WASHC5: variants seen among roughly 807,000 people sequenced by gnomAD.
WASHC5 encodes WASH complex subunit strumpellin.
Under a neutral mutation model 150.4 loss-of-function variants are expected in WASHC5, and 101 were observed. The ratio of observed to expected loss-of-function variants is 0.67; its 90% CI spans 0.57 to 0.79. The LOEUF is 0.79. Ranked by LOEUF, WASHC5 falls within the 30% of genes least tolerant of loss-of-function variation. The probability of loss-of-function intolerance (pLI) is 0.00; values close to 1 mark genes in which losing one functional copy is unlikely to be tolerated. For missense variants in WASHC5, 1,195 were observed against 1,396.3 expected, an observed-to-expected ratio of 0.86 and a Z score of 2.30; for synonymous variants, 467 against 491.2, an observed-to-expected ratio of 0.95 and a Z score of 0.65.
At chr8:125,059,602 G>T in intron 12 of WASHC5, 60 bp from the exon 13 acceptor site, 1 of 1,317,774 alleles carries the variant, frequency 7.6e-7, no homozygotes, top group Non-Finnish European at 1.1e-6. Context: ...GTGCTCATTT[G>T]TTCTTGAAAA....
At chr8:125,079,636 T>C (rs1817190821) in intron 5 of WASHC5, among the ~76,000 whole-genome samples, 1 of 152,200 alleles carries the variant, frequency 6.6e-6, no homozygotes, top group Non-Finnish European at 1.5e-5. Flanking sequence ...GGCATATAGA[T>C]CATACACAAT....
rs184823194 is a variant in WASHC5, at chr8:125,030,276, C to T, written c.3336-1569G>A. On this transcript the variant is annotated intron_variant, in intron 27 of 28. Coordinates refer to ENST00000318410, the MANE Select transcript of WASHC5 (RefSeq NM_014846.4). Reference sequence around the variant, plus strand: ...CCTCTCTGGGAGCCTGGGCCAGAGGCGCTGGGTTTTTATGAGCCTACTGCT... The same window carrying T: ...CCTCTCTGGGAGCCTGGGCCAGAGGTGCTGGGTTTTTATGAGCCTACTGCT... Among the ~76,000 whole-genome samples, 10 of 152,278 alleles carry T rather than the reference C, an allele frequency of 6.6e-5. No homozygotes were observed. The East Asian group carries it at 1.5e-3, about 24-fold the overall frequency.
chr8:125,078,246 G>A (rs1817122209), intron 6 of WASHC5, among the ~76,000 whole-genome samples: 1 of 152,114 alleles, frequency 6.6e-6, no homozygotes, highest in South Asian at 2.1e-4. Context: ...CTCCTTTCCT[G>A]GCACTCCTCT....
At chr8:125,056,037 A>G (rs1489082261) in intron 16 of WASHC5, among the ~76,000 whole-genome samples, 5 of 152,226 alleles carry the variant, frequency 3.3e-5, no homozygotes, top group African/African-American at 1.2e-4. Flanking sequence ...AGCAGCAGAC[A>G]TTGATAAGGT....
At position 125,059,417 on chromosome 8, in the gene WASHC5, C is replaced by T. The variant is rs745787192; in HGVS notation, c.1647G>A (p.Gln549=). 3.0e-5 allele frequency: 49 copies of T among 1,614,080 alleles called. 1 individual carries two copies. In the Admixed American group the frequency reaches 8.2e-4, roughly 27 times the overall value. ...NIKEEVLITM[Q]IVGDLSFAWQ... is the part of the protein sequence containing the mutation. ...AAGCGAAAGAAAGGTCCCCAACGAT[C>T]TGCATTGTGATCAGAACCTCCTCTT... Residue 549 remains glutamine, a synonymous_variant, in exon 13 of 29, where the codon CAG becomes CAA. Transcript: ENST00000318410.
intron 23 of WASHC5, among the ~76,000 whole-genome samples, chr8:125,041,027 G>A (rs1815868506): frequency 6.6e-6 from 1 of 152,206 alleles, no homozygotes; most frequent in South Asian, 2.1e-4. Flanking sequence ...CTAGGATGGT[G>A]TATTAACTAC....
intron 1 of WASHC5, among the ~76,000 whole-genome samples, chr8:125,085,873 T>G (rs1817405040): frequency 6.6e-6 from 1 of 152,212 alleles, no homozygotes; most frequent in Non-Finnish European, 1.5e-5. Context: ...CGCTACTCCT[T>G]CTTACATTCC....
intron 9 of WASHC5, among the ~76,000 whole-genome samples, chr8:125,071,649 T>C (rs1032727577): frequency 6.6e-6 from 1 of 152,176 alleles, no homozygotes; most frequent in African/African-American, 2.4e-5. Flanking sequence ...AATGTTTCCC[T>C]CTCTACTCTG....
intron 21 of WASHC5, 142 bp downstream of exon 21, chr8:125,044,394 C>CTACCCA: frequency 1.1e-6 from 1 of 895,584 alleles, no homozygotes; most frequent in Non-Finnish European, 1.9e-6. Context: ...CAGCTCTGAT[C>CTACCCA]TACCCAGTAG....
At position 125,037,225 on chromosome 8, in the gene WASHC5, T is replaced by C; in HGVS notation, c.3181+12A>G. The C allele has an allele frequency of 6.8e-7, 1 of 1,481,108 alleles. No individual in the cohort carries two copies. Among genetic ancestry groups the C allele is most frequent in the Non-Finnish European group, 9.4e-7 (1 of 1,059,210 alleles). The allele number at this position is 1,481,108 out of a possible 1,614,324, so 91.7% of individuals were successfully genotyped here. On this transcript the variant is annotated intron_variant, in intron 26 of 28. Transcript: ENST00000318410. ...ATTGTTACTCATTGCAAATAATAAA[T>C]GTTATACGTACCCAGATTTTTGTTG...
chr8:125,087,704 G>A (rs75034315), intron 1 of WASHC5, among the ~76,000 whole-genome samples: 5,687 of 145,232 alleles, frequency 0.039, 360 homozygotes, highest in African/African-American at 0.14. Flanking sequence ...CTGCACTCTT[G>A]CCTGGGTGAC....
intron 27 of WASHC5, among the ~76,000 whole-genome samples, chr8:125,030,632 T>C (rs575283728): frequency 5.2e-4 from 65 of 125,108 alleles, no homozygotes; most frequent in Non-Finnish European, 9.3e-4. Flanking sequence ...AGCGACTCTT[T>C]CTCATAAAAA....
At chr8:125,036,653 CTGAG>C (rs764275515) in intron 26 of WASHC5, among the ~76,000 whole-genome samples, 6 of 143,298 alleles carry the variant, frequency 4.2e-5, no homozygotes, top group South Asian at 4.2e-4. Flanking sequence ...ATCTGAGTGA[CTGAG>C]TGAGACCTTG....
At position 125,075,011 on chromosome 8, in the gene WASHC5, T is replaced by C; in HGVS notation, c.965A>G (p.Asn322Ser). 1 of 1,606,848 alleles carries C rather than the reference T, an allele frequency of 6.2e-7. No individual in the cohort carries two copies. The highest frequency in any genetic ancestry group is 8.5e-7 in the Non-Finnish European group (1 of 1,173,488). The change falls in exon 8 of 29, where the codon AAT (asparagine) becomes AGT (serine). Residue 322 changes from asparagine (N) to serine (S), a missense_variant. Physicochemically the swap from Asn to Ser is conservative, Grantham distance 46 (BLOSUM62 1). Transcript: ENST00000318410. ...TALNNTLDLS[N>S]VREQASRYAT... Reference sequence around the variant, plus strand: ...ATTAGAACCTACCTGTTCTCTGACATTTGAAAGGTCCAGGGTATTATTTAA... The same window carrying C: ...ATTAGAACCTACCTGTTCTCTGACACTTGAAAGGTCCAGGGTATTATTTAA...
intron 17 of WASHC5, 123 bp from the exon 18 acceptor site, chr8:125,050,788 T>G (rs1563617915): frequency 1.4e-6 from 1 of 739,230 alleles, no homozygotes. Flanking sequence ...CTAAATGATT[T>G]GAATTTTTTC....
chr8:125,072,516 GGT>G (rs1212132207), intron 9 of WASHC5, among the ~76,000 whole-genome samples: 1 of 152,086 alleles, frequency 6.6e-6, no homozygotes, highest in African/African-American at 2.4e-5. Context: ...TGGGACTACA[GGT>G]GTGTGCCACC....
intron 16 of WASHC5, 144 bp from the exon 17 acceptor site, chr8:125,055,815 G>A: frequency 1.4e-6 from 1 of 693,532 alleles, no homozygotes; most frequent in South Asian, 1.6e-5. Flanking sequence ...ACAACTGAAA[G>A]CCCACTGTTA....
chr8:125,082,471 GAAAT>G lies in WASHC5; in HGVS notation c.333-8_333-5del. ...TTCATTGAGATCATCTAGATATCTA[GAAAT>G]AAAACCACAGTGCAAGTTATTAATT... On this transcript the variant is annotated splice_polypyrimidine_tract_variant and splice_region_variant and intron_variant, in intron 3 of 28. Transcript: ENST00000318410. 6.9e-7 allele frequency: 1 copy of G among 1,445,754 alleles called. No individual in the cohort carries two copies. Among genetic ancestry groups the G allele is most frequent in the Non-Finnish European group, 9.7e-7 (1 of 1,027,288 alleles). The allele number at this position is 1,445,754 out of a possible 1,614,324, so 89.6% of individuals were successfully genotyped here. A position where few individuals can be genotyped will look rare whatever the true frequency, so the allele number is the denominator to read the frequency against.
Position 125,057,685 on chromosome 8 carries a change from A to T in WASHC5, c.1765-19T>A, listed in dbSNP as rs576927980. On this transcript the variant is annotated intron_variant, in intron 14 of 28. Transcript: ENST00000318410. ...AGGCAAGCTGGAAGAAAAATAAGGT[A>T]TATCTGTTTCTTGTTTCAAAAAGAG... The T allele has an allele frequency of 1.3e-4, 187 of 1,452,540 alleles. 1 individual carries two copies. Among genetic ancestry groups the T allele is most frequent in the South Asian group, 1.2e-3 (106 of 86,514 alleles). The allele number at this position is 1,452,540 out of a possible 1,614,324, so 90.0% of individuals were successfully genotyped here. A position where few individuals can be genotyped will look rare whatever the true frequency, so the allele number is the denominator to read the frequency against.
Sources: gnomAD v4.1 joint callset for allele counts (sites outside exome capture counted in the v4.1 genomes callset) on GRCh38, gnomAD v4.1.1 for gene constraint, MANE v1.5 for transcripts, NCBI Gene and HGNC (gene_info 2026-07-23, HGNC 2026-07-21) for gene names.